FSHR: variants seen among roughly 807,000 people sequenced by gnomAD.
FSHR encodes follicle stimulating hormone receptor, also known as follicle-stimulating hormone receptor.
In FSHR, 46 loss-of-function variants were observed where a neutral mutation model predicts 52.1. The ratio of observed to expected loss-of-function variants is 0.88; its 90% CI spans 0.70 to 1.13. FSHR has a LOEUF of 1.13. Among genes scored for constraint, FSHR ranks in the 50% most tolerant of loss-of-function variants. FSHR has a pLI of 0.00. For synonymous variants in FSHR, 399 were observed against 309.6 expected (o/e 1.29, Z -3.03); for missense variants, 964 against 834.6 (o/e 1.16, Z -1.91).
At chr2:49,133,710 C>G (rs769233454) in intron 1 of FSHR, among the ~76,000 whole-genome samples, 2 of 152,038 alleles carry the variant, frequency 1.3e-5, no homozygotes, top group Admixed American at 1.3e-4. Flanking sequence ...GGTACTGATA[C>G]CAAAACAGAG....
chr2:49,029,437 C>T (rs1157464390), intron 2 of FSHR, among the ~76,000 whole-genome samples: 2 of 152,186 alleles, frequency 1.3e-5, no homozygotes, highest in African/African-American at 2.4e-5. Context: ...TTTGAACCCC[C>T]AGCTCTCTAA....
chr2:48,991,679 T>C (rs1222327301), intron 4 of FSHR, among the ~76,000 whole-genome samples: 3 of 152,188 alleles, frequency 2.0e-5, no homozygotes, highest in African/African-American at 7.2e-5. Flanking sequence ...GAAATGTGGG[T>C]GGAACTGGCT....
At chr2:49,109,160 G>C (rs1671339530) in intron 1 of FSHR, among the ~76,000 whole-genome samples, 1 of 152,118 alleles carries the variant, frequency 6.6e-6, no homozygotes, top group Non-Finnish European at 1.5e-5. Flanking sequence ...AGGATGAGCA[G>C]AAATTCCCTA....
intron 4 of FSHR, among the ~76,000 whole-genome samples, chr2:48,992,977 G>A (rs1045185251): frequency 6.6e-6 from 1 of 151,982 alleles, no homozygotes; most frequent in African/African-American, 2.4e-5. Context: ...GGCCTCTCTG[G>A]ATCATTTAGC....
intron 2 of FSHR, among the ~76,000 whole-genome samples, chr2:49,023,635 G>A (rs1257002153): frequency 6.6e-6 from 1 of 152,022 alleles, no homozygotes; most frequent in East Asian, 1.9e-4. Flanking sequence ...TGCCTCTCTG[G>A]GTCACAGCTC....
chr2:49,017,173 A>C (rs934424218), intron 4 of FSHR, among the ~76,000 whole-genome samples: 1 of 152,370 alleles, frequency 6.6e-6, no homozygotes, highest in African/African-American at 2.4e-5. Context: ...GCTAAATGCT[A>C]GCAGAAATTT....
intron 1 of FSHR, among the ~76,000 whole-genome samples, chr2:49,068,745 C>T (rs1193633904): frequency 1.3e-5 from 2 of 152,054 alleles, no homozygotes; most frequent in African/African-American, 4.8e-5. Context: ...TCTCAGGGCT[C>T]ACTGCCTGAT....
chr2:49,075,306 T>C (rs1669909584), intron 1 of FSHR, among the ~76,000 whole-genome samples: 1 of 152,086 alleles, frequency 6.6e-6, no homozygotes, highest in South Asian at 2.1e-4. Context: ...ATATGTACAA[T>C]TATTATTTGT....
At chr2:49,001,433 A>C (rs1316822703) in intron 4 of FSHR, among the ~76,000 whole-genome samples, 9 of 152,114 alleles carry the variant, frequency 5.9e-5, no homozygotes, top group Admixed American at 5.9e-4. Flanking sequence ...TTAAAACCTA[A>C]AGATATCTCT....
At chr2:48,983,012 A>G in intron 7 of FSHR, 26 bp from the exon 8 acceptor site, 1 of 1,611,608 alleles carries the variant, frequency 6.2e-7, no homozygotes, top group Non-Finnish European at 8.5e-7. Flanking sequence ...AGGAAAGAAG[A>G]AGGAAAACAC....
At chr2:49,037,303 G>A (rs868604863) in intron 2 of FSHR, among the ~76,000 whole-genome samples, 3 of 152,204 alleles carry the variant, frequency 2.0e-5, no homozygotes, top group Admixed American at 1.3e-4. Context: ...TAACAGAACT[G>A]GAGAAAATTA....
At position 48,965,549 on chromosome 2, in the gene FSHR, C is replaced by CCTGTTAT. The variant is rs1344540391; in HGVS notation, c.855-1584_855-1583insATAACAG. On this transcript the variant is annotated intron_variant, in intron 9 of 9. Coordinates refer to ENST00000406846, the MANE Select transcript of FSHR (RefSeq NM_000145.4). ...CTGTGGTCCTTAGTCTAACTCTAGACTCTTAAACCCTGTTACTGAATTAGT... is the reference window on the plus strand; with the variant it reads ...CTGTGGTCCTTAGTCTAACTCTAGACCTGTTATTCTTAAACCCTGTTACTGAATTAGT... Among the ~76,000 whole-genome samples, 4 of 152,258 alleles carry CCTGTTAT rather than the reference C, an allele frequency of 2.6e-5. No individual in the cohort carries two copies. In the East Asian group the frequency reaches 7.7e-4, roughly 29 times the overall value.
At chr2:49,006,992 A>G (rs546881620) in intron 4 of FSHR, among the ~76,000 whole-genome samples, 1 of 152,266 alleles carries the variant, frequency 6.6e-6, no homozygotes, top group South Asian at 2.1e-4. Flanking sequence ...ACTAATAGCT[A>G]CAACAAAGCC....
At chr2:49,085,964 T>TG (rs779337337) in intron 1 of FSHR, among the ~76,000 whole-genome samples, 943 of 81,574 alleles carry the variant, frequency 0.012, 7 homozygotes, top group African/African-American at 0.034. Flanking sequence ...GGGCCTGTTG[T>TG]GGGGGGGGGG....
intron 1 of FSHR, among the ~76,000 whole-genome samples, chr2:49,139,575 G>T (rs1013117682): frequency 6.6e-6 from 1 of 150,472 alleles, no homozygotes; most frequent in African/African-American, 2.5e-5. Flanking sequence ...GCCTTTAAAG[G>T]TAAAGATTTT....
chr2:49,009,830 T>G (rs1472766456), intron 4 of FSHR, among the ~76,000 whole-genome samples: 3 of 123,220 alleles, frequency 2.4e-5, no homozygotes, highest in African/African-American at 7.8e-5. Flanking sequence ...TCTCTGTTTG[T>G]CTGTTGCTGG....
At chr2:49,117,533 G>C (rs998840072) in intron 1 of FSHR, among the ~76,000 whole-genome samples, 2 of 152,186 alleles carry the variant, frequency 1.3e-5, no homozygotes, top group Non-Finnish European at 2.9e-5. Context: ...TTATGCTGAG[G>C]AGCTATAAGA....
At chr2:48,965,263 G>C (rs1296715387) in intron 9 of FSHR, among the ~76,000 whole-genome samples, 2 of 152,118 alleles carry the variant, frequency 1.3e-5, no homozygotes, top group African/African-American at 4.8e-5. Context: ...CCATCAACCT[G>C]GATGAGAAGG....
chr2:49,007,893 G>A (rs1414566670), intron 4 of FSHR, among the ~76,000 whole-genome samples: 1 of 151,800 alleles, frequency 6.6e-6, no homozygotes, highest in Admixed American at 6.6e-5. Flanking sequence ...TTTTTTTTAA[G>A]CAGAGGAGAG....
Sources: gnomAD v4.1 joint callset for allele counts (sites outside exome capture counted in the v4.1 genomes callset) on GRCh38, gnomAD v4.1.1 for gene constraint, MANE v1.5 for transcripts, NCBI Gene and HGNC (gene_info 2026-07-23, HGNC 2026-07-21) for gene names.